RFX3: variants seen among roughly 807,000 people sequenced by gnomAD.
RFX3 encodes transcription factor RFX3.
RFX3 carries 14 observed loss-of-function variants against 98.6 expected under a neutral mutation model. The observed-to-expected ratio is 0.14, with a 90% CI of 0.09 to 0.22. RFX3 has a LOEUF of 0.22. Ranked by LOEUF, RFX3 falls within the 10% of genes least tolerant of loss-of-function variation. The pLI is 1.00. For missense variants in RFX3, 639 were observed against 926.9 expected (o/e 0.69, Z 4.03); for synonymous variants, 383 against 328.4 (o/e 1.17, Z -1.80).
intron 1 of RFX3, among the ~76,000 whole-genome samples, chr9:3,403,948 A>G (rs1587535678): frequency 6.6e-6 from 1 of 152,156 alleles, no homozygotes; most frequent in East Asian, 1.9e-4. Context: ...CCTACACAAG[A>G]ATTTTTTTCT....
intron 4 of RFX3, among the ~76,000 whole-genome samples, chr9:3,314,220 A>G (rs540515930): frequency 6.6e-5 from 10 of 152,360 alleles, no homozygotes; most frequent in South Asian, 6.2e-4. Context: ...CCAATATTTA[A>G]CATTCTTAAA....
At chr9:3,509,370 TAAAAC>T (rs917978647) in intron 1 of RFX3, among the ~76,000 whole-genome samples, 8 of 152,066 alleles carry the variant, frequency 5.3e-5, no homozygotes, top group Admixed American at 4.6e-4. Flanking sequence ...CAAAAATTCT[TAAAAC>T]AATTAAAAGC....
At chr9:3,274,259 T>C (rs1214051507) in intron 9 of RFX3, among the ~76,000 whole-genome samples, 1 of 152,190 alleles carries the variant, frequency 6.6e-6, no homozygotes, top group African/African-American at 2.4e-5. Context: ...GGAAAATGTC[T>C]ATTAATGCTA....
chr9:3,298,010 A>C (rs890841048), intron 5 of RFX3, among the ~76,000 whole-genome samples: 1 of 151,918 alleles, frequency 6.6e-6, no homozygotes, highest in Non-Finnish European at 1.5e-5. Context: ...TCTGCAATGA[A>C]AAGAATTAAA....
intron 3 of RFX3, among the ~76,000 whole-genome samples, chr9:3,343,502 G>T (rs1834121974): frequency 1.3e-5 from 2 of 151,992 alleles, no homozygotes; most frequent in Admixed American, 1.3e-4. Flanking sequence ...ACCCTAAAAT[G>T]AACATTAGAG....
At chr9:3,455,022 G>C (rs1847019204) in intron 1 of RFX3, among the ~76,000 whole-genome samples, 1 of 151,876 alleles carries the variant, frequency 6.6e-6, no homozygotes, top group Non-Finnish European at 1.5e-5. Context: ...GCAGCACAAT[G>C]CCCCCTCATC....
At chr9:3,514,350 T>C (rs1299128880) in intron 1 of RFX3, among the ~76,000 whole-genome samples, 2 of 152,248 alleles carry the variant, frequency 1.3e-5, no homozygotes, top group Middle Eastern at 3.2e-3. Flanking sequence ...AATATCTACA[T>C]ACACATACAC....
At chr9:3,401,145 G>C (rs148158018) in intron 1 of RFX3, among the ~76,000 whole-genome samples, 1 of 152,158 alleles carries the variant, frequency 6.6e-6, no homozygotes, top group South Asian at 2.1e-4. Flanking sequence ...TTTCAACAGA[G>C]ACCATAAAAC....
intron 1 of RFX3, among the ~76,000 whole-genome samples, chr9:3,445,756 A>C (rs942580966): frequency 6.6e-6 from 1 of 152,122 alleles, no homozygotes; most frequent in Non-Finnish European, 1.5e-5. Flanking sequence ...CTACTTTTCC[A>C]GCATAATTTC....
At chr9:3,455,172 G>A (rs1466797201) in intron 1 of RFX3, among the ~76,000 whole-genome samples, 1 of 152,120 alleles carries the variant, frequency 6.6e-6, no homozygotes, top group Non-Finnish European at 1.5e-5. Flanking sequence ...CTGTTTCTAG[G>A]TAAGGAACAG....
intron 7 of RFX3, among the ~76,000 whole-genome samples, chr9:3,286,470 T>C (rs2991289): frequency 0.014 from 2,147 of 151,944 alleles, 50 homozygotes; most frequent in African/African-American, 0.048. Context: ...TTTTATATAA[T>C]AGCCAACCTT....
chr9:3,243,965 G>C (rs1179719918), intron 15 of RFX3, among the ~76,000 whole-genome samples: 1 of 151,262 alleles, frequency 6.6e-6, no homozygotes, highest in Non-Finnish European at 1.5e-5. Flanking sequence ...GTTACTTTTT[G>C]GTTCTGTGTC....
intron 1 of RFX3, among the ~76,000 whole-genome samples, chr9:3,423,815 T>G (rs1843689526): frequency 1.1e-5 from 1 of 87,046 alleles, no homozygotes; most frequent in South Asian, 3.9e-4. Context: ...ATATATATCT[T>G]AAGGTAATTT....
intron 16 of RFX3, among the ~76,000 whole-genome samples, chr9:3,227,829 A>T (rs527954798): frequency 6.6e-6 from 1 of 152,316 alleles, no homozygotes; most frequent in East Asian, 1.9e-4. Flanking sequence ...TTTTTTGGCT[A>T]TAATTTTCTC....
chr9:3,274,367 A>G (rs1349437484), intron 9 of RFX3, among the ~76,000 whole-genome samples: 2 of 152,212 alleles, frequency 1.3e-5, no homozygotes, highest in African/African-American at 4.8e-5. Flanking sequence ...GTAGATCACA[A>G]ATATCCCTGG....
chr9:3,493,252 T>C (rs1055534318), intron 1 of RFX3, among the ~76,000 whole-genome samples: 3 of 152,152 alleles, frequency 2.0e-5, no homozygotes, highest in African/African-American at 7.2e-5. Context: ...GCCCAAGTTC[T>C]GTACCATATG....
rs1310382072 is a variant in RFX3 at position 3,435,267 on chromosome 9, A to C, written c.-8-39671T>G. ...CTTACTGTAACCTTTCTACTTTATA[A>C]ACTTTTTAATTTTTTAACTCTGACT... On this transcript the variant is annotated intron_variant, in intron 1 of 16. Coordinates refer to ENST00000617270, the MANE Select transcript of RFX3 (RefSeq NM_001282116.2). Among the ~76,000 whole-genome samples, 19 of 152,182 alleles carry C rather than the reference A, an allele frequency of 1.2e-4. No homozygotes were observed. In the East Asian group the frequency reaches 3.7e-3, roughly 29 times the overall value.
chr9:3,275,473 G>T (rs1563843057), intron 9 of RFX3, 27 bp downstream of exon 9: 2 of 1,304,326 alleles, frequency 1.5e-6, no homozygotes, highest in Non-Finnish European at 2.2e-6. Context: ...CCTAGCATGT[G>T]TTCATACTAC....
intron 16 of RFX3, 137 bp from the exon 17 acceptor site, chr9:3,225,417 G>C (rs1206186692): frequency 1.5e-6 from 2 of 1,332,580 alleles, no homozygotes; most frequent in East Asian, 5.0e-5. Context: ...AAAGCTTAGA[G>C]GTTTTCTTTT....
Sources: gnomAD v4.1 joint callset for allele counts (sites outside exome capture counted in the v4.1 genomes callset) on GRCh38, gnomAD v4.1.1 for gene constraint, MANE v1.5 for transcripts, NCBI Gene and HGNC (gene_info 2026-07-23, HGNC 2026-07-21) for gene names.